TRPC5: variants seen among roughly 807,000 people sequenced by gnomAD.
TRPC5 encodes short transient receptor potential channel 5.
In TRPC5, 9 loss-of-function variants were observed where a neutral mutation model predicts 56.5. The observed-to-expected ratio is 0.16, with a 90% confidence interval of 0.10 to 0.28. The LOEUF is 0.28. Ranked by LOEUF, TRPC5 falls within the 10% of genes least tolerant of loss-of-function variation. The probability of loss-of-function intolerance (pLI) is 1.00; values close to 1 mark genes in which losing one functional copy is unlikely to be tolerated. For synonymous variants in TRPC5, 282 were observed against 278.5 expected, an observed-to-expected ratio of 1.01 and a Z score of -0.13; for missense variants, 469 against 748.9, an observed-to-expected ratio of 0.63 and a Z score of 4.36.
chrX:111,965,689 T>C (rs1488425535), intron 1 of TRPC5, among the ~76,000 whole-genome samples: 3 of 111,723 alleles, frequency 2.7e-5, no homozygotes, highest in Non-Finnish European at 5.6e-5. Flanking sequence ...ACCACTCAAC[T>C]ACATGGAAAC....
chrX:112,024,888 A>G (rs916951319), intron 1 of TRPC5, among the ~76,000 whole-genome samples: 3 of 112,217 alleles, frequency 2.7e-5, no homozygotes, highest in African/African-American at 9.7e-5. Flanking sequence ...TTTAATAAAG[A>G]GAGAAATTAT....
At chrX:111,888,693 C>CAAAAAAAAAAAA (rs753735549) in intron 3 of TRPC5, among the ~76,000 whole-genome samples, 1 of 10,985 alleles carries the variant, frequency 9.1e-5, no homozygotes, top group African/African-American at 2.2e-4. Flanking sequence ...GACTCTATCT[C>CAAAAAAAAAAAA]AAAAAAAAAA....
intron 2 of TRPC5, among the ~76,000 whole-genome samples, chrX:111,924,932 A>G (rs990783367): frequency 5.3e-5 from 6 of 112,438 alleles, no homozygotes; most frequent in Non-Finnish European, 1.1e-4. Flanking sequence ...CAAACCTCTG[A>G]TAGTGGAAAA....
At chrX:111,857,755 G>A (rs1319106069) in intron 3 of TRPC5, among the ~76,000 whole-genome samples, 2 of 112,359 alleles carry the variant, frequency 1.8e-5, no homozygotes, top group Non-Finnish European at 3.8e-5. Flanking sequence ...CAAACAGGCA[G>A]CAAATTGTAG....
chrX:112,031,890 C>G (rs1184847376), intron 1 of TRPC5, among the ~76,000 whole-genome samples: 1 of 105,839 alleles, frequency 9.4e-6, no homozygotes, highest in East Asian at 2.8e-4. Flanking sequence ...ATATATATTT[C>G]ATATAGACTT....
At chrX:111,954,456 A>C (rs942464483) in intron 1 of TRPC5, among the ~76,000 whole-genome samples, 7 of 111,916 alleles carry the variant, frequency 6.3e-5, no homozygotes, top group African/African-American at 2.3e-4. Flanking sequence ...GGGGCAGTCC[A>C]GGCACTGCCG....
intron 2 of TRPC5, among the ~76,000 whole-genome samples, chrX:111,941,266 G>T (rs1475055497): frequency 1.8e-5 from 2 of 112,050 alleles, no homozygotes; most frequent in East Asian, 5.6e-4. Flanking sequence ...AAATAGTCTT[G>T]TTTCCTAAAT....
At chrX:112,030,060 G>C (rs1365210504) in intron 1 of TRPC5, among the ~76,000 whole-genome samples, 1 of 111,958 alleles carries the variant, frequency 8.9e-6, no homozygotes, top group East Asian at 2.8e-4. Context: ...CCCAACCTCA[G>C]GTGATCCACC....
intron 1 of TRPC5, among the ~76,000 whole-genome samples, chrX:112,077,720 C>G (rs772135400): frequency 8.1e-5 from 9 of 111,706 alleles, no homozygotes; most frequent in Non-Finnish European, 1.5e-4. Flanking sequence ...TTGCATTGCT[C>G]TATTTTCTCA....
In TRPC5 at chrX:112,082,192, C is replaced by G. The variant is rs1288942780; in HGVS notation, c.-335G>C. 1 of 111,746 alleles carries G rather than the reference C, an allele frequency of 8.9e-6. No homozygotes were observed. Among genetic ancestry groups the G allele is most frequent in the Non-Finnish European group, 1.9e-5 (1 of 53,327 alleles). The allele number at this position is 111,746 out of a possible 1,213,427, so 9.2% of individuals were successfully genotyped here. ...CGCCAGTGCCCTGAAACTCTTTGCT[C>G]TACCAATGTCCCTACCCTGTTCTCC... On this transcript the variant is annotated 5_prime_UTR_variant, in exon 1 of 11. Coordinates refer to ENST00000262839, the MANE Select transcript of TRPC5 (RefSeq NM_012471.3).
intron 3 of TRPC5, among the ~76,000 whole-genome samples, chrX:111,869,273 C>G (rs1360087246): frequency 1.8e-5 from 2 of 110,994 alleles, no homozygotes; most frequent in African/African-American, 6.6e-5. Context: ...TACTCTCTGT[C>G]TAGCACAGTT....
chrX:111,921,585 TTC>T (rs773525139), intron 2 of TRPC5, among the ~76,000 whole-genome samples: 2 of 111,293 alleles, frequency 1.8e-5, no homozygotes, highest in African/African-American at 6.5e-5. Flanking sequence ...ATCTTGGACT[TTC>T]TGTTTAAAAT....
At chrX:111,997,095 G>A (rs775830337) in intron 1 of TRPC5, among the ~76,000 whole-genome samples, 8 of 111,602 alleles carry the variant, frequency 7.2e-5, no homozygotes, top group Non-Finnish European at 1.5e-4. Context: ...TCTTAGCATC[G>A]ATGCTCTTTA....
chrX:112,069,201 T>C (rs1930658820), intron 1 of TRPC5, among the ~76,000 whole-genome samples: 1 of 111,830 alleles, frequency 8.9e-6, no homozygotes, highest in Non-Finnish European at 1.9e-5. Context: ...AAAGTTGAGG[T>C]TCAGAGTGGC....
At chrX:111,984,242 G>A (rs768029212) in intron 1 of TRPC5, among the ~76,000 whole-genome samples, 38 of 111,702 alleles carry the variant, frequency 3.4e-4, no homozygotes, top group African/African-American at 1.2e-3. Flanking sequence ...AACAACCTCC[G>A]TATCTGCTAC....
intron 1 of TRPC5, among the ~76,000 whole-genome samples, chrX:112,050,183 A>C (rs865817353): frequency 3.4e-5 from 3 of 88,313 alleles, no homozygotes; most frequent in African/African-American, 1.3e-4. Context: ...ACAACAACAA[A>C]AACAAACAAA....
intron 1 of TRPC5, among the ~76,000 whole-genome samples, chrX:111,980,865 C>T (rs1403943754): frequency 9.5e-6 from 1 of 105,200 alleles, no homozygotes; most frequent in Non-Finnish European, 1.9e-5. Flanking sequence ...ATACACATCC[C>T]ATTAGCCTGA....
intron 1 of TRPC5, among the ~76,000 whole-genome samples, chrX:111,956,908 T>G (rs1927250585): frequency 8.9e-6 from 1 of 111,850 alleles, no homozygotes; most frequent in African/African-American, 3.3e-5. Flanking sequence ...TACTCTCCTA[T>G]GTTCAGCTGA....
intron 5 of TRPC5, 91 bp downstream of exon 5, chrX:111,852,205 TCA>T: frequency 1.2e-6 from 1 of 831,864 alleles, no homozygotes; most frequent in Non-Finnish European, 1.7e-6. Flanking sequence ...ATCATCATCA[TCA>T]CTTTTTCTCA....
Sources: allele counts gnomAD v4.1 joint callset (sites outside exome capture counted in the v4.1 genomes callset), GRCh38; gene constraint gnomAD v4.1.1; transcripts MANE v1.5; gene names NCBI Gene and HGNC (gene_info 2026-07-23, HGNC 2026-07-21).